The following GALNT13 variants were observed in gnomAD, a reference collection of about 807,000 sequenced individuals.
GALNT13 encodes UDP-GalNAc:polypeptide N-acetylgalactosaminyltransferase 13.
In GALNT13, 28 loss-of-function variants were observed where a neutral mutation model predicts 64.2. The observed-to-expected ratio is 0.44, with a 90% CI of 0.32 to 0.60. The LOEUF (loss-of-function observed/expected upper bound fraction) is 0.60. Among genes scored for constraint, GALNT13 ranks in the 20% least tolerant of loss-of-function variants. GALNT13 has a pLI of 0.05. For synonymous variants in GALNT13, 214 were observed against 224.6 expected (o/e 0.95, Z 0.42); for missense variants, 577 against 669.8 (o/e 0.86, Z 1.53).
chr2:153,572,524 G>A, the GALNT13 span, among the ~76,000 whole-genome samples: 11 of 151,444 alleles, frequency 7.3e-5, no homozygotes, highest in Non-Finnish European at 1.3e-4. Context: ...TCTTTAAGGC[G>A]TATCATTAGA....
chr2:153,281,165 A>C, the GALNT13 span, among the ~76,000 whole-genome samples: 1 of 152,188 alleles, frequency 6.6e-6, no homozygotes, highest in South Asian at 2.1e-4. Flanking sequence ...GTTGTATCTG[A>C]TATAAGAATA....
At chr2:154,079,301 T>C (rs2105409281) in intron 3 of GALNT13, among the ~76,000 whole-genome samples, 1 of 151,782 alleles carries the variant, frequency 6.6e-6, no homozygotes, top group Non-Finnish European at 1.5e-5. Context: ...GAAATTCTTA[T>C]GGGGTACACA....
At chr2:153,776,190 G>C in the GALNT13 span, among the ~76,000 whole-genome samples, 37 of 152,276 alleles carry the variant, frequency 2.4e-4, no homozygotes, top group African/African-American at 7.7e-4. Context: ...GAAATCTGCT[G>C]TTTCCTTTGT....
chr2:153,881,839 C>A (rs750748615), intron 1 of GALNT13, among the ~76,000 whole-genome samples: 3 of 152,080 alleles, frequency 2.0e-5, no homozygotes, highest in Non-Finnish European at 4.4e-5. Context: ...CCCTGTGTCC[C>A]TTAAGGTCTG....
At chr2:153,111,078 G>T in the GALNT13 span, among the ~76,000 whole-genome samples, 2 of 151,950 alleles carry the variant, frequency 1.3e-5, no homozygotes, top group African/African-American at 2.4e-5. Flanking sequence ...AATCTGCTTC[G>T]TAAATGGCAC....
At chr2:154,424,861 G>A (rs1437241957) in intron 11 of GALNT13, among the ~76,000 whole-genome samples, 4 of 152,112 alleles carry the variant, frequency 2.6e-5, no homozygotes, top group Non-Finnish European at 5.9e-5. Context: ...TCTGCCTTTG[G>A]GGGAACCCAA....
chr2:153,458,926 T>C, the GALNT13 span, among the ~76,000 whole-genome samples: 1 of 152,172 alleles, frequency 6.6e-6, no homozygotes, highest in Non-Finnish European at 1.5e-5. Context: ...ACTTGTTCTT[T>C]CTCTGTTTCT....
the GALNT13 span, among the ~76,000 whole-genome samples, chr2:153,253,702 C>A: frequency 1.3e-5 from 2 of 150,744 alleles, no homozygotes; most frequent in Admixed American, 6.6e-5. Flanking sequence ...TTGTCAAAGG[C>A]CTTTTCTGCA....
At chr2:153,142,755 G>A in the GALNT13 span, among the ~76,000 whole-genome samples, 1 of 151,914 alleles carries the variant, frequency 6.6e-6, no homozygotes, top group African/African-American at 2.4e-5. Context: ...AATTAGTGAA[G>A]TTAGCCTGAC....
the GALNT13 span, among the ~76,000 whole-genome samples, chr2:153,082,255 C>T: frequency 6.6e-6 from 1 of 151,900 alleles, no homozygotes; most frequent in Admixed American, 6.6e-5. Context: ...GTGCACCTTT[C>T]ACCCGAGCAG....
the GALNT13 span, among the ~76,000 whole-genome samples, chr2:153,717,447 G>A: frequency 6.6e-6 from 1 of 152,060 alleles, no homozygotes; most frequent in Non-Finnish European, 1.5e-5. Context: ...TGTACTTGTA[G>A]GTAGAATATT....
At chr2:153,889,319 T>G (rs148890796) in intron 1 of GALNT13, among the ~76,000 whole-genome samples, 1 of 152,010 alleles carries the variant, frequency 6.6e-6, no homozygotes, top group East Asian at 1.9e-4. Context: ...AAAAAAATGC[T>G]CCTTATCCCA....
At chr2:153,161,543 T>C in the GALNT13 span, among the ~76,000 whole-genome samples, 149 of 151,952 alleles carry the variant, frequency 9.8e-4, no homozygotes, top group Non-Finnish European at 1.9e-3. Flanking sequence ...GATGGTGATA[T>C]TAAGGTAAGA....
At chr2:154,137,211 G>A (rs1234095227) in intron 3 of GALNT13, among the ~76,000 whole-genome samples, 2 of 151,946 alleles carry the variant, frequency 1.3e-5, no homozygotes. Flanking sequence ...GCCAGAAAAA[G>A]TAAAAGGCTC....
intron 8 of GALNT13, among the ~76,000 whole-genome samples, chr2:154,290,116 T>C (rs1692513680): frequency 6.6e-6 from 1 of 152,164 alleles, no homozygotes; most frequent in Admixed American, 6.5e-5. Context: ...AGAGTCTGCA[T>C]ATCTAGATTT....
At chr2:154,271,706 CATG>C (rs1691364873) in intron 8 of GALNT13, among the ~76,000 whole-genome samples, 6 of 151,884 alleles carry the variant, frequency 4.0e-5, no homozygotes, top group African/African-American at 1.4e-4. Flanking sequence ...TCTAACCAAT[CATG>C]AATACTATCT....
At chr2:153,242,459 A>T in the GALNT13 span, among the ~76,000 whole-genome samples, 1 of 152,240 alleles carries the variant, frequency 6.6e-6, no homozygotes, top group Non-Finnish European at 1.5e-5. Context: ...ATATGCATCC[A>T]TGGTTAAGCC....
Position 154,352,913 on chromosome 2 carries a change from T to C in GALNT13, c.1157-43078T>C, listed in dbSNP as rs71417300. ...TTTGGCAGCATCAAGTTAGGCTTAC[T>C]GTTAGTATCCTCCAAACTTGTTGCT... On this transcript the variant is annotated intron_variant, in intron 9 of 12. Transcript: ENST00000392825. 3.2e-3 allele frequency among the ~76,000 whole-genome samples: 491 copies of C among 152,334 alleles called. 4 individuals are homozygous for C. The highest frequency in any genetic ancestry group is 5.1e-3 in the Non-Finnish European group (349 of 68,020).
At chr2:153,612,692 G>A in the GALNT13 span, among the ~76,000 whole-genome samples, 130 of 152,062 alleles carry the variant, frequency 8.5e-4, 2 homozygotes, top group African/African-American at 3.0e-3. Flanking sequence ...TGACATCTGC[G>A]AAATTAAGTA....
Sources: allele counts gnomAD v4.1 joint callset (sites outside exome capture counted in the v4.1 genomes callset), GRCh38; gene constraint gnomAD v4.1.1; transcripts MANE v1.5; gene names NCBI Gene and HGNC (gene_info 2026-07-23, HGNC 2026-07-21).